Variants in ERC2 observed in about 807,000 individuals in gnomAD.
ERC2 encodes the protein ERC protein 2.
A neutral mutation model predicts 114.8 loss-of-function variants in ERC2; 42 were observed. That is an observed-to-expected ratio of 0.37 (90% CI 0.29 to 0.47). The LOEUF is 0.47. Ranked by LOEUF, ERC2 falls within the 20% of genes least tolerant of loss-of-function variation. The probability of loss-of-function intolerance (pLI) is 0.99; values close to 1 mark genes in which losing one functional copy is unlikely to be tolerated. For missense variants in ERC2, 939 were observed against 1,150.7 expected (o/e 0.82, Z 2.66); for synonymous variants, 454 against 425.5 (o/e 1.07, Z -0.82).
chr3:56,446,629 C>CTTTTTTT (rs71099637), intron 1 of ERC2, among the ~76,000 whole-genome samples: 1 of 132,098 alleles, frequency 7.6e-6, no homozygotes, highest in African/African-American at 2.9e-5. Context: ...TTTTTTCTTT[C>CTTTTTTT]TTTTTTTTTT....
intron 6 of ERC2, among the ~76,000 whole-genome samples, chr3:56,098,884 A>G (rs937859174): frequency 6.6e-6 from 1 of 152,190 alleles, no homozygotes; most frequent in African/African-American, 2.4e-5. Context: ...TTCTTGGACT[A>G]GGCTTATGTA....
chr3:56,122,112 C>A (rs2079611275), intron 6 of ERC2, among the ~76,000 whole-genome samples: 1 of 152,136 alleles, frequency 6.6e-6, no homozygotes, highest in Admixed American at 6.5e-5. Flanking sequence ...TTGGAAACAA[C>A]CTGTTTATCT....
chr3:55,851,355 T>G (rs1356844036), intron 14 of ERC2, among the ~76,000 whole-genome samples: 2 of 152,152 alleles, frequency 1.3e-5, no homozygotes, highest in Non-Finnish European at 2.9e-5. Flanking sequence ...CTTCAGATAA[T>G]GGTGTTTGCT....
chr3:56,451,626 G>A (rs2062832244), intron 1 of ERC2, among the ~76,000 whole-genome samples: 1 of 152,234 alleles, frequency 6.6e-6, no homozygotes, highest in African/African-American at 2.4e-5. Flanking sequence ...ATGAGAGTCA[G>A]TAAGTGCAGT....
At chr3:55,798,641 C>T (rs1283411546) in intron 14 of ERC2, among the ~76,000 whole-genome samples, 1 of 151,362 alleles carries the variant, frequency 6.6e-6, no homozygotes, top group African/African-American at 2.4e-5. Context: ...GGAAAGATAG[C>T]CACTTAAAAT....
intron 3 of ERC2, among the ~76,000 whole-genome samples, chr3:56,281,787 C>A (rs2054366302): frequency 6.6e-6 from 1 of 152,116 alleles, no homozygotes; most frequent in African/African-American, 2.4e-5. Flanking sequence ...AGAATTGTCT[C>A]CATAACATTC....
intron 1 of ERC2, among the ~76,000 whole-genome samples, chr3:56,464,521 T>C (rs879681452): frequency 1.3e-5 from 2 of 152,238 alleles, no homozygotes; most frequent in Non-Finnish European, 2.9e-5. Context: ...GGGAGTTTTG[T>C]TACACTGCCA....
chr3:56,350,897 A>G (rs1233936203), intron 2 of ERC2, among the ~76,000 whole-genome samples: 2 of 152,172 alleles, frequency 1.3e-5, no homozygotes, highest in African/African-American at 4.8e-5. Flanking sequence ...CTCTTATTCA[A>G]TACTCTCAGC....
At chr3:56,455,545 C>T (rs187609409) in intron 1 of ERC2, among the ~76,000 whole-genome samples, 7 of 152,252 alleles carry the variant, frequency 4.6e-5, no homozygotes, top group African/African-American at 1.4e-4. Context: ...ACTAAGACAC[C>T]AAGGCAAGTT....
At chr3:55,531,038 C>T (rs2107272784) in intron 17 of ERC2, among the ~76,000 whole-genome samples, 1 of 152,274 alleles carries the variant, frequency 6.6e-6, no homozygotes, top group East Asian at 1.9e-4. Flanking sequence ...GATCCCTTCT[C>T]TGATTTTTTT....
At chr3:55,617,645 C>T (rs919176588) in intron 17 of ERC2, among the ~76,000 whole-genome samples, 2 of 152,192 alleles carry the variant, frequency 1.3e-5, no homozygotes, top group Non-Finnish European at 2.9e-5. Context: ...GGAAAGACTT[C>T]CAGGGATTTA....
intron 4 of ERC2, among the ~76,000 whole-genome samples, chr3:56,170,351 A>G (rs763601182): frequency 2.6e-5 from 4 of 152,190 alleles, no homozygotes; most frequent in Non-Finnish European, 5.9e-5. Flanking sequence ...ACATATTTTC[A>G]CAACTCCAAA....
intron 10 of ERC2, among the ~76,000 whole-genome samples, chr3:56,001,355 CAT>C (rs2072041774): frequency 6.6e-6 from 1 of 151,824 alleles, no homozygotes; most frequent in South Asian, 2.1e-4. Flanking sequence ...CTAAGAAAAA[CAT>C]AGTCATTTTT....
rs143586943 is a variant in ERC2, at chr3:55,572,097, G to A, written c.*40-60821C>T. Among the ~76,000 whole-genome samples, 425 of 152,344 alleles carry A rather than the reference G, an allele frequency of 2.8e-3. 2 individuals are homozygous for A. Among genetic ancestry groups the A allele is most frequent in the Non-Finnish European group, 5.2e-3 (354 of 68,038 alleles). ...GCGTTCCTGAGGGAGGTGGCGTTGG[G>A]ACAGTGAAGGGGCATTTCCTGGCTG... On this transcript the variant is annotated intron_variant, in intron 17 of 17. Transcript: ENST00000288221.
chr3:55,693,837 T>G (rs1430401002), intron 16 of ERC2, among the ~76,000 whole-genome samples: 1 of 151,806 alleles, frequency 6.6e-6, no homozygotes, highest in African/African-American at 2.4e-5. Context: ...GCCTCCCAAA[T>G]AGCTGGGATT....
intron 14 of ERC2, among the ~76,000 whole-genome samples, chr3:55,807,879 G>A (rs1482294516): frequency 6.6e-6 from 1 of 152,090 alleles, no homozygotes. Context: ...CAATAATTAT[G>A]TACATATAAT....
intron 17 of ERC2, among the ~76,000 whole-genome samples, chr3:55,662,958 C>T (rs929251865): frequency 3.3e-5 from 5 of 152,134 alleles, no homozygotes; most frequent in African/African-American, 1.2e-4. Flanking sequence ...CTGTGACCTT[C>T]CACAGACCTC....
At chr3:56,070,138 T>C (rs569842223) in intron 7 of ERC2, among the ~76,000 whole-genome samples, 98 of 152,248 alleles carry the variant, frequency 6.4e-4, no homozygotes, top group African/African-American at 2.3e-3. Context: ...TGTGTAAAAT[T>C]CTTCACAGCA....
chr3:55,821,445 C>T (rs1239678404), intron 14 of ERC2, among the ~76,000 whole-genome samples: 1 of 152,162 alleles, frequency 6.6e-6, no homozygotes, highest in African/African-American at 2.4e-5. Flanking sequence ...TCCACTGCCC[C>T]ATTCCCTTAC....
Sources: allele counts gnomAD v4.1 joint callset (sites outside exome capture counted in the v4.1 genomes callset), GRCh38; gene constraint gnomAD v4.1.1; transcripts MANE v1.5; gene names NCBI Gene and HGNC (gene_info 2026-07-23, HGNC 2026-07-21).